CTNNA3: variants seen among roughly 807,000 people sequenced by gnomAD.
The protein encoded by CTNNA3 is catenin alpha-3.
CTNNA3 carries 76 observed loss-of-function variants against 95.7 expected under a neutral mutation model. The ratio of observed to expected loss-of-function variants is 0.79; its 90% CI spans 0.66 to 0.96. CTNNA3 has a LOEUF of 0.96. Among genes scored for constraint, CTNNA3 ranks in the 40% least tolerant of loss-of-function variants. CTNNA3 has a pLI of 0.00. For synonymous variants in CTNNA3, 431 were observed against 374.4 expected (o/e 1.15, Z -1.74); for missense variants, 1,191 against 1,089.8 (o/e 1.09, Z -1.31).
intron 1 of CTNNA3, chr10:67,750,733 G>A: frequency 1.9e-6 from 3 of 1,583,442 alleles, no homozygotes; most frequent in Non-Finnish European, 2.6e-6. Flanking sequence ...GCTGGTGGAT[G>A]AGGGGCTGGT....
At chr10:66,606,753 T>C (rs1844137051) in intron 10 of CTNNA3, among the ~76,000 whole-genome samples, 1 of 152,078 alleles carries the variant, frequency 6.6e-6, no homozygotes, top group Non-Finnish European at 1.5e-5. Flanking sequence ...CACGCCAGCA[T>C]CTCTGGGACA....
chr10:67,366,657 G>A (rs1453679528), intron 5 of CTNNA3, among the ~76,000 whole-genome samples: 3 of 150,974 alleles, frequency 2.0e-5, no homozygotes, highest in African/African-American at 7.3e-5. Flanking sequence ...AAAAAAAAAA[G>A]ACACATAGAT....
intron 5 of CTNNA3, among the ~76,000 whole-genome samples, chr10:67,432,807 C>T (rs948438782): frequency 2.0e-5 from 3 of 151,982 alleles, no homozygotes; most frequent in Non-Finnish European, 2.9e-5. Flanking sequence ...TTGGGGGTCA[C>T]CATTCAGCCC....
intron 9 of CTNNA3, among the ~76,000 whole-genome samples, chr10:66,688,904 G>C (rs957609726): frequency 6.6e-6 from 1 of 151,206 alleles, no homozygotes; most frequent in Admixed American, 6.6e-5. Context: ...AACCTGGGAG[G>C]TGGAGCTTGC....
At chr10:67,043,277 G>T (rs182410488) in intron 7 of CTNNA3, among the ~76,000 whole-genome samples, 276 of 151,846 alleles carry the variant, frequency 1.8e-3, no homozygotes, top group African/African-American at 5.8e-3. Context: ...ATGGCCTGAG[G>T]GTTCTACATC....
At chr10:66,442,324 C>A (rs186960734) in intron 11 of CTNNA3, among the ~76,000 whole-genome samples, 1 of 150,692 alleles carries the variant, frequency 6.6e-6, no homozygotes. Context: ...CCATGGATAC[C>A]GAGGGATGGC....
At chr10:66,124,179 T>C (rs896613234) in intron 13 of CTNNA3, among the ~76,000 whole-genome samples, 1 of 152,030 alleles carries the variant, frequency 6.6e-6, no homozygotes, top group African/African-American at 2.4e-5. Flanking sequence ...ACATCTTGAA[T>C]GCTTTGCTGC....
chr10:67,244,689 T>A (rs1269267620), intron 5 of CTNNA3, among the ~76,000 whole-genome samples: 1 of 152,118 alleles, frequency 6.6e-6, no homozygotes, highest in African/African-American at 2.4e-5. Flanking sequence ...ATAGGAATTA[T>A]AAGGAAAGCA....
intron 1 of CTNNA3, among the ~76,000 whole-genome samples, chr10:67,738,341 C>G (rs1841314814): frequency 6.6e-6 from 1 of 152,174 alleles, no homozygotes; most frequent in African/African-American, 2.4e-5. Context: ...CTCCAACAGA[C>G]CTGCAGCTGA....
chr10:67,211,191 T>C (rs1204317589), intron 6 of CTNNA3, among the ~76,000 whole-genome samples: 3 of 152,084 alleles, frequency 2.0e-5, no homozygotes, highest in Non-Finnish European at 2.9e-5. Context: ...GTCATGAGAC[T>C]CATGATACAA....
intron 7 of CTNNA3, among the ~76,000 whole-genome samples, chr10:66,879,549 A>T (rs903767503): frequency 1.1e-4 from 16 of 152,128 alleles, no homozygotes; most frequent in African/African-American, 3.9e-4. Context: ...GATCTTTGGG[A>T]TGTACAAGAG....
At chr10:67,251,034 T>C (rs1866088416) in intron 5 of CTNNA3, among the ~76,000 whole-genome samples, 1 of 152,208 alleles carries the variant, frequency 6.6e-6, no homozygotes, top group African/African-American at 2.4e-5. Flanking sequence ...TGTACATGAA[T>C]GTTTATGGCA....
chr10:67,458,656 A>G (rs1480990280), intron 5 of CTNNA3, among the ~76,000 whole-genome samples: 2 of 152,078 alleles, frequency 1.3e-5, no homozygotes, highest in African/African-American at 4.8e-5. Flanking sequence ...AAGTGGTCAG[A>G]TCACTTAAGG....
At chr10:66,197,134 T>C (rs1013209624) in intron 13 of CTNNA3, among the ~76,000 whole-genome samples, 2 of 152,150 alleles carry the variant, frequency 1.3e-5, no homozygotes, top group African/African-American at 4.8e-5. Context: ...ACCTTCATTT[T>C]CCCAGTGAGA....
At chr10:66,850,373 C>A (rs753157684) in intron 7 of CTNNA3, among the ~76,000 whole-genome samples, 2 of 152,020 alleles carry the variant, frequency 1.3e-5, no homozygotes, top group African/African-American at 4.8e-5. Context: ...GGGAGAGACA[C>A]GTATAGAATT....
At chr10:67,023,592 G>A (rs1412263006) in intron 7 of CTNNA3, among the ~76,000 whole-genome samples, 1 of 152,118 alleles carries the variant, frequency 6.6e-6, no homozygotes, top group African/African-American at 2.4e-5. Flanking sequence ...ACAAGGTGAT[G>A]ATCCTCAGCT....
intron 7 of CTNNA3, among the ~76,000 whole-genome samples, chr10:66,777,414 A>G (rs567271562): frequency 1.4e-3 from 207 of 152,258 alleles, no homozygotes; most frequent in African/African-American, 5.0e-3. Flanking sequence ...AAGAAAAGGG[A>G]AATAGGAGAG....
intron 10 of CTNNA3, among the ~76,000 whole-genome samples, chr10:66,607,835 C>A (rs1214394971): frequency 4.6e-5 from 7 of 152,098 alleles, no homozygotes; most frequent in Non-Finnish European, 1.5e-5. Context: ...AACACACAGT[C>A]AACATTAAAC....
intron 7 of CTNNA3, among the ~76,000 whole-genome samples, chr10:66,785,153 A>G (rs988012152): frequency 1.3e-5 from 2 of 152,188 alleles, no homozygotes; most frequent in African/African-American, 4.8e-5. Context: ...AAGGAGTTAT[A>G]GAAACATCTG....
Sources: allele counts gnomAD v4.1 joint callset (sites outside exome capture counted in the v4.1 genomes callset), GRCh38; gene constraint gnomAD v4.1.1; transcripts MANE v1.5; gene names NCBI Gene and HGNC (gene_info 2026-07-23, HGNC 2026-07-21).